TARS3: variants seen among roughly 807,000 people sequenced by gnomAD.
TARS3 encodes the protein threonyl-tRNA synthetase 3.
Under a neutral mutation model 103.5 loss-of-function variants are expected in TARS3, and 94 were observed. The observed-to-expected ratio is 0.91, with a 90% confidence interval of 0.77 to 1.08. The LOEUF (loss-of-function observed/expected upper bound fraction) is 1.08, where lower values mean the gene tolerates loss of function less well. Among genes scored for constraint, TARS3 ranks in the 50% least tolerant of loss-of-function variants. The pLI is 0.00. For missense variants in TARS3, 952 were observed against 995.2 expected (o/e 0.96, Z 0.58); for synonymous variants, 416 against 355.4 (o/e 1.17, Z -1.92).
At chr15:101,714,108 C>T (rs1248553044) in intron 4 of TARS3, among the ~76,000 whole-genome samples, 1 of 152,086 alleles carries the variant, frequency 6.6e-6, no homozygotes, top group Non-Finnish European at 1.5e-5. Context: ...ATATCACATG[C>T]ATATGTGAAA....
intron 4 of TARS3, 34 bp from the exon 5 acceptor site, chr15:101,712,035 C>A: frequency 1.3e-6 from 2 of 1,581,408 alleles, no homozygotes; most frequent in Non-Finnish European, 1.7e-6. Context: ...CATTAGCTAC[C>A]AAAAGTATGT....
At chr15:101,724,033 C>T in intron 1 of TARS3, 58 bp downstream of exon 1, 2 of 1,313,378 alleles carry the variant, frequency 1.5e-6, no homozygotes, top group African/African-American at 3.1e-5. Flanking sequence ...CCTTTCGGTG[C>T]GCACCGTCTC....
chr15:101,708,987 A>G, intron 5 of TARS3, 77 bp from the exon 6 acceptor site: 1 of 947,048 alleles, frequency 1.1e-6, no homozygotes, highest in South Asian at 1.7e-5. Flanking sequence ...CTGGAGCCTC[A>G]GCAGCCATAA....
rs1897109033 is a variant in TARS3 at position 101,654,088 on chromosome 15, T to C, written c.*494A>G. 6.5e-6 allele frequency: 1 copy of C among 153,270 alleles called. No homozygotes were observed. The highest frequency in any genetic ancestry group is 2.4e-5 in the African/African-American group (1 of 41,480). 9.5% of individuals were successfully genotyped at this position (153,270 alleles called of 1,614,324 possible). A position where few individuals can be genotyped will look rare whatever the true frequency, so the allele number is the denominator to read the frequency against. On this transcript the variant is annotated 3_prime_UTR_variant, in exon 19 of 19. Transcript: ENST00000335968. The stretch of plus-strand genomic sequence containing the variant: ...TTGTCAGTAATCCAATATTTAGCAG[T>C]AGCTGCTGCTTTTGTGGTTGTTGGT...
chr15:101,670,210 T>C (rs1355101500), intron 15 of TARS3, among the ~76,000 whole-genome samples: 1 of 152,180 alleles, frequency 6.6e-6, no homozygotes, highest in Non-Finnish European at 1.5e-5. Flanking sequence ...AAAGTAAAGA[T>C]ATTACAAAAA....
At chr15:101,655,869 G>A in intron 18 of TARS3, 1 of 1,283,416 alleles carries the variant, frequency 7.8e-7, no homozygotes, top group Non-Finnish European at 1.0e-6. Flanking sequence ...TGGCATACCT[G>A]ATGAGCCAAG....
intron 12 of TARS3, among the ~76,000 whole-genome samples, chr15:101,680,307 TTCTA>T (rs1195626510): frequency 1.3e-5 from 2 of 152,358 alleles, no homozygotes; most frequent in East Asian, 1.9e-4. Context: ...TCTAAAACTT[TTCTA>T]TCTTTCTAGG....
chr15:101,717,097 T>A (rs753510942), intron 3 of TARS3, among the ~76,000 whole-genome samples: 3 of 152,186 alleles, frequency 2.0e-5, no homozygotes, highest in Non-Finnish European at 4.4e-5. Context: ...CCCCAAGTGA[T>A]CTGCCCACCT....
chr15:101,723,739 G>A (rs1351219515), intron 1 of TARS3, among the ~76,000 whole-genome samples: 2 of 152,220 alleles, frequency 1.3e-5, no homozygotes, highest in Non-Finnish European at 2.9e-5. Flanking sequence ...GTTTACATAC[G>A]CAGCTGTTAG....
intron 3 of TARS3, 24 bp from the exon 4 acceptor site, chr15:101,714,987 G>C (rs1282185486): frequency 6.3e-7 from 1 of 1,595,090 alleles, no homozygotes; most frequent in Admixed American, 1.7e-5. Flanking sequence ...AGCCACTTGG[G>C]AGTTAACTTT....
chr15:101,702,515 ATCCCAGCACTT>A (rs1363846940), intron 8 of TARS3, 130 bp from the exon 9 acceptor site: 1 of 768,802 alleles, frequency 1.3e-6, no homozygotes, highest in African/African-American at 1.8e-5. Context: ...CATGCCTATA[ATCCCAGCACTT>A]TGGGAGGCCA....
chr15:101,700,133 C>T (rs1391905820), intron 10 of TARS3, among the ~76,000 whole-genome samples: 2 of 151,860 alleles, frequency 1.3e-5, no homozygotes, highest in African/African-American at 2.4e-5. Context: ...TAGTGGTAGG[C>T]ACATAAAAAA....
intron 8 of TARS3, 134 bp downstream of exon 8, chr15:101,703,725 C>T (rs1344450064): frequency 3.2e-6 from 2 of 628,256 alleles, no homozygotes; most frequent in African/African-American, 3.8e-5. Flanking sequence ...TAGTTTTCAT[C>T]AAATAAGAAT....
intron 10 of TARS3, chr15:101,699,341 G>A: frequency 2.2e-6 from 1 of 454,048 alleles, no homozygotes; most frequent in South Asian, 1.6e-5. Flanking sequence ...CTTAGAATAA[G>A]AGATCACTGG....
chr15:101,724,465 G>A lies in TARS3; in HGVS notation c.-78C>T, dbSNP rs1900677680. Reference sequence around the variant, plus strand: ...GGGCGACGCGGACACTCAGCGCACGGCAGAAGACAGGGCTCCCGGGAGGGG... The same window carrying A: ...GGGCGACGCGGACACTCAGCGCACGACAGAAGACAGGGCTCCCGGGAGGGG... On this transcript the variant is annotated 5_prime_UTR_variant, in exon 1 of 19. Coordinates refer to ENST00000335968, the MANE Select transcript of TARS3 (RefSeq NM_152334.3). The A allele has an allele frequency of 4.5e-6, 6 of 1,339,752 alleles. No individual in the cohort carries two copies. In the African/African-American group the frequency reaches 6.2e-5, roughly 14 times the overall value. 83.0% of individuals were successfully genotyped at this position (1,339,752 alleles called of 1,614,324 possible). A position where few individuals can be genotyped will look rare whatever the true frequency, so the allele number is the denominator to read the frequency against.
chr15:101,685,843 C>T (rs904287799), intron 11 of TARS3, 53 bp downstream of exon 11: 17 of 1,409,004 alleles, frequency 1.2e-5, no homozygotes, highest in Middle Eastern at 1.9e-4. Context: ...ATAATTGTGA[C>T]GAAGCGTGCT....
chr15:101,691,205 C>T (rs569019250), intron 10 of TARS3, among the ~76,000 whole-genome samples: 128 of 152,016 alleles, frequency 8.4e-4, no homozygotes, highest in Non-Finnish European at 1.4e-3. Flanking sequence ...TCCCAAAGTG[C>T]TGGGATTACA....
At chr15:101,662,204 A>G (rs994037372) in intron 15 of TARS3, among the ~76,000 whole-genome samples, 1 of 152,088 alleles carries the variant, frequency 6.6e-6, no homozygotes, top group East Asian at 1.9e-4. Context: ...CTTGAAGTCC[A>G]CTGGTCAAAT....
intron 12 of TARS3, among the ~76,000 whole-genome samples, chr15:101,683,847 C>G (rs1031371517): frequency 3.9e-5 from 6 of 152,134 alleles, no homozygotes; most frequent in African/African-American, 7.2e-5. Context: ...TTAAAATACT[C>G]CACTTAATGG....
Sources: allele counts gnomAD v4.1 joint callset (sites outside exome capture counted in the v4.1 genomes callset), GRCh38; gene constraint gnomAD v4.1.1; transcripts MANE v1.5; gene names NCBI Gene and HGNC (gene_info 2026-07-23, HGNC 2026-07-21).